PARPBP: variants seen among roughly 807,000 people sequenced by gnomAD.
PARPBP encodes PARP1 binding protein.
A neutral mutation model predicts 50.0 loss-of-function variants in PARPBP; 52 were observed. The ratio of observed to expected loss-of-function variants is 1.04; its 90% CI spans 0.83 to 1.31. PARPBP has a LOEUF of 1.31. PARPBP is among the 50% of genes most tolerant of loss of function. The pLI, the probability that PARPBP is intolerant of heterozygous loss-of-function variation, is 0.00. For synonymous variants in PARPBP, 244 were observed against 232.1 expected (o/e 1.05, Z -0.47); for missense variants, 697 against 672.0 (o/e 1.04, Z -0.41).
intron 4 of PARPBP, among the ~76,000 whole-genome samples, chr12:102,159,844 A>G (rs1489895807): frequency 2.0e-5 from 3 of 152,244 alleles, no homozygotes; most frequent in Non-Finnish European, 4.4e-5. Flanking sequence ...ACTTTCTTCA[A>G]ACTGAGGTTG....
chr12:102,165,028 TG>T (rs1428996816), intron 5 of PARPBP, among the ~76,000 whole-genome samples: 4 of 152,170 alleles, frequency 2.6e-5, no homozygotes, highest in African/African-American at 9.7e-5. Context: ...AAATTAAGCT[TG>T]TTATTTAATC....
At chr12:102,128,221 A>G (rs1478546270) in intron 2 of PARPBP, among the ~76,000 whole-genome samples, 3 of 151,316 alleles carry the variant, frequency 2.0e-5, no homozygotes, top group Non-Finnish European at 4.4e-5. Flanking sequence ...TTGTCTTTCT[A>G]CTTCTATAAG....
At chr12:102,157,839 G>A (rs1184124998) in intron 4 of PARPBP, among the ~76,000 whole-genome samples, 1 of 151,434 alleles carries the variant, frequency 6.6e-6, no homozygotes, top group African/African-American at 2.4e-5. Context: ...GTGAGCTTCT[G>A]GCCAGGCACG....
chr12:102,121,513 GA>G (rs1881074137), intron 1 of PARPBP, among the ~76,000 whole-genome samples: 1 of 145,610 alleles, frequency 6.9e-6, no homozygotes, highest in African/African-American at 2.6e-5. Context: ...CCCTGAATGA[GA>G]CTCTTGGTTT....
intron 7 of PARPBP, among the ~76,000 whole-genome samples, chr12:102,176,234 G>A (rs1889267679): frequency 1.3e-5 from 2 of 151,854 alleles, no homozygotes; most frequent in Admixed American, 1.3e-4. Context: ...TGCCCGCCTC[G>A]GCCTCCCAAA....
intron 2 of PARPBP, among the ~76,000 whole-genome samples, chr12:102,131,871 A>T (rs1271936197): frequency 6.6e-6 from 1 of 152,186 alleles, no homozygotes; most frequent in African/African-American, 2.4e-5. Flanking sequence ...GATCAGGAAG[A>T]ATAACTAATG....
chr12:102,140,611 GT>G (rs200475653), intron 2 of PARPBP, among the ~76,000 whole-genome samples: 2,432 of 152,226 alleles, frequency 0.016, 25 homozygotes, highest in Non-Finnish European at 0.024. Context: ...GCTTTCTCTT[GT>G]GGGCAATTAG....
chr12:102,196,229 T>C lies in PARPBP; in HGVS notation c.1678T>C (p.Cys560Arg), dbSNP rs1891308484. 1.2e-6 allele frequency: 2 copies of C among 1,609,946 alleles called. No homozygotes were observed. The highest frequency in any genetic ancestry group is 1.7e-6 in the Non-Finnish European group (2 of 1,178,216). The change falls in exon 11 of 11, where the codon TGT (cysteine) becomes CGT (arginine). Residue 560 changes from cysteine to arginine, a missense_variant. Physicochemically the swap from Cys to Arg is radical, Grantham distance 180 (BLOSUM62 -3). Coordinates refer to ENST00000327680, the MANE Select transcript of PARPBP (RefSeq NM_017915.5). The stretch of plus-strand genomic sequence containing the variant: ...AGCTAAAGTAGCAAAAAGTAATAAA[T>C]GTACTGCCAAGGACAAGTTGATTTC... Reference protein sequence around the residue: ...KLAKVAKSNKCTAKDKLISGQ... With the variant: ...KLAKVAKSNKRTAKDKLISGQ...
intron 4 of PARPBP, among the ~76,000 whole-genome samples, chr12:102,155,596 G>C (rs372363492): frequency 1.2e-4 from 12 of 96,912 alleles, no homozygotes; most frequent in African/African-American, 5.0e-4. Context: ...GAGCATGGTG[G>C]GGGGGGGGGG....
intron 6 of PARPBP, among the ~76,000 whole-genome samples, chr12:102,170,896 T>G (rs974321963): frequency 2.1e-4 from 32 of 149,686 alleles, no homozygotes; most frequent in Middle Eastern, 3.4e-3. Context: ...TTTTCTCTGT[T>G]TAATTTTTCT....
At position 102,134,851 on chromosome 12, in the gene PARPBP, A is replaced by AT. The variant is rs796731324; in HGVS notation, c.153+10817dup. Among the ~76,000 whole-genome samples, 7 of 151,786 alleles carry AT rather than the reference A, an allele frequency of 4.6e-5. No homozygotes were observed. In the South Asian group the frequency reaches 8.3e-4, roughly 18 times the overall value. Reference sequence around the variant, plus strand: ...ACCACCATGCCCAGCTAATTCTTTTATTTTTTTATAGAGACAGGGTTTCTC... The same window carrying AT: ...ACCACCATGCCCAGCTAATTCTTTTATTTTTTTTATAGAGACAGGGTTTCTC... On this transcript the variant is annotated intron_variant, in intron 2 of 10. Transcript: ENST00000327680.
At chr12:102,147,313 A>G (rs919703369) in intron 2 of PARPBP, among the ~76,000 whole-genome samples, 9 of 152,142 alleles carry the variant, frequency 5.9e-5, no homozygotes, top group Non-Finnish European at 1.3e-4. Context: ...CTTGGAACCA[A>G]CCCAAATGTC....
chr12:102,190,989 A>G (rs1043953685), intron 9 of PARPBP, among the ~76,000 whole-genome samples: 1 of 152,120 alleles, frequency 6.6e-6, no homozygotes, highest in Non-Finnish European at 1.5e-5. Flanking sequence ...CGTTAGAATG[A>G]AAAAGGAATG....
intron 9 of PARPBP, among the ~76,000 whole-genome samples, chr12:102,191,471 G>A (rs1890790849): frequency 6.6e-6 from 1 of 152,060 alleles, no homozygotes; most frequent in South Asian, 2.1e-4. Context: ...ATATTTACTA[G>A]GTATGTTGAA....
rs532595198 is a variant in PARPBP, at chr12:102,174,958, C to T, written c.822-525C>T. On this transcript the variant is annotated intron_variant, in intron 6 of 10. Coordinates refer to ENST00000327680, the MANE Select transcript of PARPBP (RefSeq NM_017915.5). ...TTAGAATGCAATATCATGTTTTTCA[C>T]GTCAGTTTCCTTCCTCCCTGTCTCT... Among the ~76,000 whole-genome samples, 127 of 152,254 alleles carry T rather than the reference C, an allele frequency of 8.3e-4. 1 individual carries two copies. The South Asian group carries it at 0.012, about 15-fold the overall frequency.
rs1431426989 is a variant in PARPBP at position 102,182,546 on chromosome 12, T to A, written c.1185-3T>A. ...ATTTTTGCCTTTTTTTTTTTTGACA[T>A]AGGTCTCCCACACAGGTGAATAATT... On this transcript the variant is annotated splice_region_variant and splice_polypyrimidine_tract_variant and intron_variant, in intron 8 of 10. Transcript: ENST00000327680. 1 of 1,588,160 alleles carries A rather than the reference T, an allele frequency of 6.3e-7. No homozygotes were observed. Among genetic ancestry groups the A allele is most frequent in the East Asian group, 2.2e-5 (1 of 44,470 alleles).
chr12:102,163,917 A>T (rs150839802), intron 4 of PARPBP, among the ~76,000 whole-genome samples: 1 of 152,318 alleles, frequency 6.6e-6, no homozygotes, highest in East Asian at 1.9e-4. Flanking sequence ...TAAACTCAGC[A>T]TCTAGGTCTA....
chr12:102,143,329 T>C lies in PARPBP; in HGVS notation c.154-4901T>C, dbSNP rs113578723. Among the ~76,000 whole-genome samples the C allele has an allele frequency of 3.4e-3, 512 of 152,256 alleles. 2 individuals carry two copies. The highest frequency in any genetic ancestry group is 0.011 in the African/African-American group (476 of 41,536). ...GCTGGTGTGCCGTTTGCTAAGACCA[T>C]TGGAAAAGCACAGTATTAGGGTGGG... On this transcript the variant is annotated intron_variant, in intron 2 of 10. Coordinates refer to ENST00000327680, the MANE Select transcript of PARPBP (RefSeq NM_017915.5).
intron 1 of PARPBP, among the ~76,000 whole-genome samples, chr12:102,122,103 C>G (rs553797172): frequency 6.6e-6 from 1 of 152,332 alleles, no homozygotes; most frequent in African/African-American, 2.4e-5. Flanking sequence ...AGTGAGTCTT[C>G]ATTCATAGCA....
Sources: allele counts gnomAD v4.1 joint callset (sites outside exome capture counted in the v4.1 genomes callset), GRCh38; gene constraint gnomAD v4.1.1; transcripts MANE v1.5; gene names NCBI Gene and HGNC (gene_info 2026-07-23, HGNC 2026-07-21).